The following KIAA0825 variants were observed in gnomAD, a reference collection of about 807,000 sequenced individuals.
KIAA0825 encodes the protein uncharacterized protein KIAA0825.
In KIAA0825, 119 loss-of-function variants were observed where a neutral mutation model predicts 147.6. That is an observed-to-expected ratio of 0.81 (90% confidence interval 0.69 to 0.94). The LOEUF (loss-of-function observed/expected upper bound fraction) is 0.94. Among genes scored for constraint, KIAA0825 ranks in the 40% least tolerant of loss-of-function variants. KIAA0825 has a pLI of 0.00. For synonymous variants in KIAA0825, 470 were observed against 518.1 expected (o/e 0.91, Z 1.26); for missense variants, 1,381 against 1,472.7 (o/e 0.94, Z 1.02).
At chr5:94,494,314 CTTT>C (rs530332272) in intron 5 of KIAA0825, among the ~76,000 whole-genome samples, 1 of 111,862 alleles carries the variant, frequency 8.9e-6, no homozygotes, top group Non-Finnish European at 1.7e-5. Flanking sequence ...ATATTCAATC[CTTT>C]TTTTTTTTTT....
At chr5:94,346,262 T>C (rs1184664801) in intron 20 of KIAA0825, among the ~76,000 whole-genome samples, 1 of 152,200 alleles carries the variant, frequency 6.6e-6, no homozygotes, top group African/African-American at 2.4e-5. Context: ...AGGGAAGTTA[T>C]AGTTTATTTT....
At chr5:94,253,358 C>G (rs1776072484) in intron 20 of KIAA0825, among the ~76,000 whole-genome samples, 1 of 152,032 alleles carries the variant, frequency 6.6e-6, no homozygotes, top group African/African-American at 2.4e-5. Flanking sequence ...ACCTGCAATG[C>G]TATGAATAAA....
intron 1 of KIAA0825, among the ~76,000 whole-genome samples, chr5:94,600,941 A>C (rs1786303127): frequency 6.6e-6 from 1 of 152,104 alleles, no homozygotes; most frequent in Admixed American, 6.5e-5. Context: ...AAGAGTTTCT[A>C]GAGGGAGGGG....
chr5:94,531,754 A>G (rs1770841819), intron 3 of KIAA0825, among the ~76,000 whole-genome samples: 1 of 152,228 alleles, frequency 6.6e-6, no homozygotes. Flanking sequence ...GAAGAAACCC[A>G]AAACTGAAGT....
chr5:94,375,727 G>A (rs572060051), intron 20 of KIAA0825, among the ~76,000 whole-genome samples: 173 of 152,292 alleles, frequency 1.1e-3, no homozygotes, highest in African/African-American at 3.9e-3. Context: ...GGTAGATGGT[G>A]GAAAGTCAGC....
At chr5:94,261,458 C>A (rs78171175) in intron 20 of KIAA0825, among the ~76,000 whole-genome samples, 2,090 of 152,098 alleles carry the variant, frequency 0.014, 18 homozygotes, top group Non-Finnish European at 0.022. Flanking sequence ...TTAATTATTT[C>A]TCTGTGAAAA....
chr5:94,457,822 C>A (rs1374957957), intron 12 of KIAA0825, among the ~76,000 whole-genome samples: 1 of 152,148 alleles, frequency 6.6e-6, no homozygotes, highest in Non-Finnish European at 1.5e-5. Flanking sequence ...AAACGGGTCT[C>A]ATAATACGAT....
At chr5:94,387,885 A>G (rs1749375662) in intron 18 of KIAA0825, among the ~76,000 whole-genome samples, 1 of 152,228 alleles carries the variant, frequency 6.6e-6, no homozygotes, top group South Asian at 2.1e-4. Flanking sequence ...CTGTGCCTCT[A>G]TAACTTTAGG....
At chr5:94,340,241 AC>A (rs1186230316) in intron 20 of KIAA0825, among the ~76,000 whole-genome samples, 12 of 152,160 alleles carry the variant, frequency 7.9e-5, no homozygotes, top group Non-Finnish European at 1.6e-4. Flanking sequence ...TTCTTATAAT[AC>A]CTAATACAAT....
intron 1 of KIAA0825, among the ~76,000 whole-genome samples, chr5:94,617,353 A>G (rs1790803673): frequency 6.6e-6 from 1 of 152,230 alleles, no homozygotes; most frequent in Non-Finnish European, 1.5e-5. Flanking sequence ...TGAATTATTA[A>G]CCAACAAGGC....
intron 20 of KIAA0825, among the ~76,000 whole-genome samples, chr5:94,263,183 T>G (rs945400320): frequency 6.6e-6 from 1 of 152,136 alleles, no homozygotes; most frequent in Non-Finnish European, 1.5e-5. Context: ...AAAAATAGCA[T>G]AGGAAGACCT....
chr5:94,201,616 G>GTTT (rs559774245), intron 20 of KIAA0825, among the ~76,000 whole-genome samples: 1 of 143,350 alleles, frequency 7.0e-6, no homozygotes, highest in African/African-American at 2.5e-5. Context: ...TGGTTTTTTG[G>GTTT]TTTTTTTTTT....
intron 15 of KIAA0825, among the ~76,000 whole-genome samples, chr5:94,410,210 A>C (rs554890708): frequency 0.059 from 8,980 of 151,908 alleles, 874 homozygotes; most frequent in African/African-American, 0.21. Flanking sequence ...AAAAAAAAAA[A>C]AAATCACTGA....
At chr5:94,595,132 T>G (rs1477286245) in intron 1 of KIAA0825, among the ~76,000 whole-genome samples, 3 of 152,176 alleles carry the variant, frequency 2.0e-5, no homozygotes, top group Admixed American at 2.0e-4. Context: ...CTTCTCACAG[T>G]TCCACTAGGT....
intron 1 of KIAA0825, among the ~76,000 whole-genome samples, chr5:94,608,613 C>T (rs1425581188): frequency 7.2e-6 from 1 of 138,112 alleles, no homozygotes; most frequent in Non-Finnish European, 1.5e-5. Flanking sequence ...GGATTACAGG[C>T]CTGAGCCACT....
At chr5:94,366,887 C>A (rs746354737) in intron 20 of KIAA0825, among the ~76,000 whole-genome samples, 2 of 152,262 alleles carry the variant, frequency 1.3e-5, no homozygotes, top group African/African-American at 4.8e-5. Flanking sequence ...CTGTTGTGTC[C>A]GGTTTCTACT....
chr5:94,290,039 T>C (rs2150164987), intron 20 of KIAA0825, among the ~76,000 whole-genome samples: 1 of 152,150 alleles, frequency 6.6e-6, no homozygotes, highest in South Asian at 2.1e-4. Flanking sequence ...TTTGCCATTT[T>C]ACTGATTGAA....
Position 94,371,840 on chromosome 5 carries a change from A to G in KIAA0825, c.3710+12528T>C, listed in dbSNP as rs548806985. Reference sequence around the variant, plus strand: ...TCTTAATTCACTCCAACATTAACCCAAAAGTCCAAGTCCAAAGTCTCATCT... The same window carrying G: ...TCTTAATTCACTCCAACATTAACCCGAAAGTCCAAGTCCAAAGTCTCATCT... On this transcript the variant is annotated intron_variant, in intron 20 of 20. Coordinates refer to ENST00000682413, the MANE Select transcript of KIAA0825 (RefSeq NM_001145678.3). Among the ~76,000 whole-genome samples, 3 of 152,302 alleles carry G rather than the reference A, an allele frequency of 2.0e-5. No individual in the cohort carries two copies. The South Asian group carries it at 6.2e-4, about 32-fold the overall frequency.
At chr5:94,575,187 C>T (rs1307248692) in intron 2 of KIAA0825, among the ~76,000 whole-genome samples, 1 of 151,726 alleles carries the variant, frequency 6.6e-6, no homozygotes, top group Non-Finnish European at 1.5e-5. Context: ...AAGAGGGAGT[C>T]AAAAATGTTT....
Sources: allele counts gnomAD v4.1 joint callset (sites outside exome capture counted in the v4.1 genomes callset), GRCh38; gene constraint gnomAD v4.1.1; transcripts MANE v1.5; gene names NCBI Gene and HGNC (gene_info 2026-07-23, HGNC 2026-07-21).